Variants in ADCY2 observed in about 807,000 individuals in gnomAD.
ADCY2 encodes the protein adenylate cyclase type 2.
Under a neutral mutation model 125.2 loss-of-function variants are expected in ADCY2, and 31 were observed. The observed-to-expected ratio is 0.25, with a 90% CI of 0.19 to 0.33. The LOEUF is 0.33. Ranked by LOEUF, ADCY2 falls within the 10% of genes least tolerant of loss-of-function variation. The pLI, the probability that ADCY2 is intolerant of heterozygous loss-of-function variation, is 1.00. For synonymous variants in ADCY2, 512 were observed against 548.4 expected, an observed-to-expected ratio of 0.93 and a Z score of 0.93; for missense variants, 904 against 1,418.2, an observed-to-expected ratio of 0.64 and a Z score of 5.82.
intron 3 of ADCY2, among the ~76,000 whole-genome samples, chr5:7,599,966 G>A (rs555649010): frequency 6.6e-5 from 10 of 152,198 alleles, no homozygotes; most frequent in African/African-American, 2.4e-4. Context: ...GTTAAAGGGT[G>A]GAAAGGGAGG....
intron 3 of ADCY2, among the ~76,000 whole-genome samples, chr5:7,586,827 T>A (rs1322903189): frequency 1.3e-5 from 2 of 152,182 alleles, no homozygotes; most frequent in African/African-American, 4.8e-5. Flanking sequence ...AGCTCCTACA[T>A]GGATCCTATT....
chr5:7,661,200 C>A (rs1163861756), intron 4 of ADCY2, among the ~76,000 whole-genome samples: 1 of 151,974 alleles, frequency 6.6e-6, no homozygotes, highest in East Asian at 1.9e-4. Context: ...TATATATTTG[C>A]TTATTCATAA....
chr5:7,826,173 G>A (rs146117979), intron 24 of ADCY2, among the ~76,000 whole-genome samples: 12 of 152,164 alleles, frequency 7.9e-5, no homozygotes, highest in Middle Eastern at 3.4e-3. Context: ...CCTGACAGAC[G>A]CGACCATTGG....
At chr5:7,662,043 G>A (rs745407342) in intron 4 of ADCY2, among the ~76,000 whole-genome samples, 1 of 152,046 alleles carries the variant, frequency 6.6e-6, no homozygotes, top group Non-Finnish European at 1.5e-5. Flanking sequence ...ACAGGTTCTT[G>A]GCATTCAGAT....
intron 1 of ADCY2, among the ~76,000 whole-genome samples, chr5:7,403,887 T>C (rs923015734): frequency 6.6e-6 from 1 of 152,040 alleles, no homozygotes; most frequent in Non-Finnish European, 1.5e-5. Context: ...TGGGCTGTTC[T>C]GCCCCATTGA....
At chr5:7,795,124 G>A (rs1249667715) in intron 20 of ADCY2, 1 of 152,192 alleles carries the variant, frequency 6.6e-6, no homozygotes, top group East Asian at 1.9e-4. Context: ...GCCCTGAGAG[G>A]TGACTGAGAG....
intron 7 of ADCY2, among the ~76,000 whole-genome samples, chr5:7,704,104 C>T (rs1459369726): frequency 1.3e-5 from 2 of 152,120 alleles, no homozygotes; most frequent in African/African-American, 4.8e-5. Context: ...CACTTTCATC[C>T]TCTCTCCCAT....
chr5:7,754,179 G>A (rs79156858), intron 15 of ADCY2, among the ~76,000 whole-genome samples: 4,810 of 152,058 alleles, frequency 0.032, 248 homozygotes, highest in African/African-American at 0.11. Flanking sequence ...TATCTGCCCG[G>A]GTCTGTTTTA....
chr5:7,816,785 A>G (rs1745125788), intron 22 of ADCY2, 81 bp from the exon 23 acceptor site: 36 of 1,126,622 alleles, frequency 3.2e-5, no homozygotes, highest in Non-Finnish European at 4.8e-5. Flanking sequence ...TTTCTGCCTA[A>G]AGCTCAGGTT....
At chr5:7,536,157 G>T (rs1734805221) in intron 3 of ADCY2, among the ~76,000 whole-genome samples, 1 of 152,196 alleles carries the variant, frequency 6.6e-6, no homozygotes. Flanking sequence ...TTAGTACAAA[G>T]GAGTTTCTCT....
rs188572070 is a variant in ADCY2 at position 7,666,089 on chromosome 5, T to G, written c.721-24602T>G. Among the ~76,000 whole-genome samples, 195 of 150,402 alleles carry G rather than the reference T, an allele frequency of 1.3e-3. 1 individual carries two copies. The highest frequency in any genetic ancestry group is 4.6e-3 in the African/African-American group (189 of 40,964). On this transcript the variant is annotated intron_variant, in intron 4 of 24. Transcript: ENST00000338316. ...TCCTGACCTCGTGATCCGCCCGCCT[T>G]GGCCTCCCAAAGTGCTGGGATTACA...
intron 4 of ADCY2, among the ~76,000 whole-genome samples, chr5:7,687,662 G>A (rs899157372): frequency 1.3e-5 from 2 of 152,146 alleles, no homozygotes; most frequent in African/African-American, 4.8e-5. Flanking sequence ...TTATTCATCA[G>A]CTACCTCTTC....
intron 3 of ADCY2, among the ~76,000 whole-genome samples, chr5:7,528,785 T>G (rs1380886681): frequency 6.6e-6 from 1 of 152,216 alleles, no homozygotes; most frequent in Non-Finnish European, 1.5e-5. Context: ...GCATGTTTGA[T>G]CCATTACTTA....
chr5:7,686,266 C>G (rs62343021), intron 4 of ADCY2, among the ~76,000 whole-genome samples: 1 of 152,186 alleles, frequency 6.6e-6, no homozygotes, highest in African/African-American at 2.4e-5. Flanking sequence ...GCTACAATGT[C>G]TGCCTTGCTT....
At chr5:7,459,640 G>A (rs572815971) in intron 2 of ADCY2, among the ~76,000 whole-genome samples, 1 of 151,900 alleles carries the variant, frequency 6.6e-6, no homozygotes, top group African/African-American at 2.4e-5. Context: ...AAAATTAAAC[G>A]GGTTATAGTT....
At chr5:7,550,665 C>T (rs1055056600) in intron 3 of ADCY2, among the ~76,000 whole-genome samples, 18 of 152,242 alleles carry the variant, frequency 1.2e-4, no homozygotes, top group African/African-American at 3.6e-4. Flanking sequence ...TGTCTTGTCT[C>T]CCTGCCTCTG....
chr5:7,776,727 G>A (rs754536087), intron 18 of ADCY2, among the ~76,000 whole-genome samples: 9 of 152,218 alleles, frequency 5.9e-5, no homozygotes, highest in Non-Finnish European at 1.3e-4. Context: ...TCAGCTGCCA[G>A]CACAACCAGA....
At chr5:7,634,942 G>C (rs577974439) in intron 4 of ADCY2, among the ~76,000 whole-genome samples, 86 of 152,304 alleles carry the variant, frequency 5.6e-4, no homozygotes, top group African/African-American at 2.0e-3. Context: ...CTTCTCTGGG[G>C]ATGTGATATC....
At chr5:7,629,264 C>T (rs2126661393) in intron 4 of ADCY2, among the ~76,000 whole-genome samples, 1 of 152,346 alleles carries the variant, frequency 6.6e-6, no homozygotes, top group African/African-American at 2.4e-5. Flanking sequence ...TGTCCTTCCT[C>T]CTTGGAGAGG....
Sources: gnomAD v4.1 joint callset for allele counts (sites outside exome capture counted in the v4.1 genomes callset) on GRCh38, gnomAD v4.1.1 for gene constraint, MANE v1.5 for transcripts, NCBI Gene and HGNC (gene_info 2026-07-23, HGNC 2026-07-21) for gene names.